The following PLD4 variants were observed in gnomAD, a reference collection of about 807,000 sequenced individuals.
PLD4 encodes phospholipase D family member 4.
Under a neutral mutation model 52.3 loss-of-function variants are expected in PLD4, and 54 were observed. The ratio of observed to expected loss-of-function variants is 1.03; its 90% CI spans 0.83 to 1.30. The LOEUF (loss-of-function observed/expected upper bound fraction) is 1.30, where lower values mean the gene tolerates loss of function less well. Ranked by LOEUF, PLD4 falls within the 50% of genes most tolerant of loss-of-function variation. The pLI, the probability that PLD4 is intolerant of heterozygous loss-of-function variation, is 0.00. For missense variants in PLD4, 731 were observed against 671.1 expected (o/e 1.09, Z -0.99); for synonymous variants, 264 against 286.5 (o/e 0.92, Z 0.79).
rs1040777710 is a variant in PLD4, at chr14:104,933,072, C to A, written c.*108C>A. The A allele has an allele frequency of 2.1e-4, 270 of 1,267,978 alleles. No homozygotes were observed. The African/African-American group carries it at 3.6e-3, about 17-fold the overall frequency. The allele number at this position is 1,267,978 out of a possible 1,614,324, so 78.5% of individuals were successfully genotyped here. A position where few individuals can be genotyped will look rare whatever the true frequency, so the allele number is the denominator to read the frequency against. ...CCGCAAGCAGCCCGGGTCCGCACTG[C>A]GCCAGGAGCCGCCTGCGACCGCCCG... On this transcript the variant is annotated 3_prime_UTR_variant, in exon 11 of 11. Coordinates refer to ENST00000392593, the MANE Select transcript of PLD4 (RefSeq NM_138790.5).
In PLD4 at chr14:104,927,843, C is replaced by T; in HGVS notation, c.261C>T (p.Ala87=). 1 of 1,583,068 alleles carries T rather than the reference C, an allele frequency of 6.3e-7. No homozygotes were observed. Among genetic ancestry groups the T allele is most frequent in the Non-Finnish European group, 8.6e-7 (1 of 1,168,508 alleles). Residue 87 remains alanine, a synonymous_variant, in exon 3 of 11, where the codon GCC becomes GCT. Coordinates refer to ENST00000392593, the MANE Select transcript of PLD4 (RefSeq NM_138790.5). The stretch of plus-strand genomic sequence containing the variant: ...CTTGGGAGCCCCTGGAAGCAGAGGC[C>T]AGGCAGCAGAGGGACTCCTGCCAGT... ...SPAWEPLEAE[A]RQQRDSCQLV...
Position 104,924,951 on chromosome 14 carries a change from G to C in PLD4, c.-40G>C, listed in dbSNP as rs773146896. ...CGTGAGCTGAGGGCCTGCAGTCTGC[G>C]GCTGGAATCAGGATAGACACCAAGG... On this transcript the variant is annotated 5_prime_UTR_variant, in exon 1 of 11. Transcript: ENST00000392593. The surrounding 1 kb of genome is among the most constrained non-coding windows in gnomAD (Gnocchi z 4.4). The C allele has an allele frequency of 6.5e-6, 1 of 152,810 alleles. No individual in the cohort carries two copies. The highest frequency in any genetic ancestry group is 1.5e-5 in the Non-Finnish European group (1 of 68,548). 9.5% of individuals were successfully genotyped at this position (152,810 alleles called of 1,614,324 possible). A position where few individuals can be genotyped will look rare whatever the true frequency, so the allele number is the denominator to read the frequency against.
chr14:104,933,022 C>T lies in PLD4; in HGVS notation c.*58C>T, dbSNP rs1897713012. ...CCGCACGCGCCCTCCCCTCTGACCC[C>T]GGCCTGGGCTTCAGCCGCTTCCTCC... On this transcript the variant is annotated 3_prime_UTR_variant, in exon 11 of 11. Coordinates refer to ENST00000392593, the MANE Select transcript of PLD4 (RefSeq NM_138790.5). 2 of 1,474,662 alleles carry T rather than the reference C, an allele frequency of 1.4e-6. No homozygotes were observed. The highest frequency in any genetic ancestry group is 2.6e-5 in the South Asian group (2 of 76,090). The allele number at this position is 1,474,662 out of a possible 1,614,324, so 91.3% of individuals were successfully genotyped here.
In PLD4 at chr14:104,932,703, A is replaced by T. The variant is rs1439892785; in HGVS notation, c.1322-62A>T. On this transcript the variant is annotated intron_variant, in intron 10 of 10. Transcript: ENST00000392593. The surrounding 1 kb of genome is among the most constrained non-coding windows in gnomAD (Gnocchi z 6.5). ...AAACCCGTAGCCGGGCCTGGCGCTG[A>T]GCGGGCTGCAGAGGGGCCTGTGGGA... 1 of 1,432,158 alleles carries T rather than the reference A, an allele frequency of 7.0e-7. No individual in the cohort carries two copies. Among genetic ancestry groups the T allele is most frequent in the African/African-American group, 1.4e-5 (1 of 69,564 alleles). The allele number at this position is 1,432,158 out of a possible 1,614,324, so 88.7% of individuals were successfully genotyped here. A position where few individuals can be genotyped will look rare whatever the true frequency, so the allele number is the denominator to read the frequency against.
At chr14:104,929,149 T>A in intron 4 of PLD4, 158 bp from the exon 5 acceptor site, 1 of 1,275,046 alleles carries the variant, frequency 7.8e-7, no homozygotes, top group Non-Finnish European at 1.1e-6. Context: ...CTGTGCCTGG[T>A]GCAGTTTGGC....
At position 104,930,954 on chromosome 14, in the gene PLD4, T is replaced by C; in HGVS notation, c.918+12T>C. On this transcript the variant is annotated intron_variant, in intron 7 of 10. Transcript: ENST00000392593. The stretch of plus-strand genomic sequence containing the variant: ...CTGCCTACTTCTCAGTAAGACGGGT[T>C]GAGAAGGAGCCCATCAGAGGCCCCT... The C allele has an allele frequency of 6.2e-7, 1 of 1,611,866 alleles. No individual in the cohort carries two copies. Among genetic ancestry groups the C allele is most frequent in the East Asian group, 2.2e-5 (1 of 44,884 alleles).
downstream of PLD4, chr14:104,936,507 A>C (rs1897812942): frequency 6.6e-6 from 1 of 152,458 alleles, no homozygotes; most frequent in African/African-American, 2.4e-5. Context: ...GAAAGAACCC[A>C]GCCTCTCCCC....
intron 2 of PLD4, 40 bp from the exon 3 acceptor site, chr14:104,927,633 C>T: frequency 6.6e-7 from 1 of 1,507,880 alleles, no homozygotes; most frequent in Non-Finnish European, 8.9e-7. Context: ...AAGTCAAGCC[C>T]CGCCCTGTCT....
rs377513739 is a variant in PLD4 at position 104,930,886 on chromosome 14, C to A, written c.862C>A (p.Arg288Ser). The A allele has an allele frequency of 1.9e-6, 3 of 1,613,450 alleles. No homozygotes were observed. The highest frequency in any genetic ancestry group is 1.7e-5 in the Admixed American group (1 of 60,016). The change falls in exon 7 of 11, where the codon CGT becomes AGT. Residue 288 changes from arginine (R) to serine (S), a missense_variant. Coordinates refer to ENST00000392593, the MANE Select transcript of PLD4 (RefSeq NM_138790.5). ...WPQNFSSHFN[R>S]FQPFHGLFDG... Reference sequence around the variant, plus strand: ...TCAGAACTTCTCATCTCACTTCAACCGTTTCCAGCCCTTCCACGGCCTCTT... The same window carrying A: ...TCAGAACTTCTCATCTCACTTCAACAGTTTCCAGCCCTTCCACGGCCTCTT...
chr14:104,929,314 C>A lies in PLD4; in HGVS notation c.476C>A (p.Ala159Asp). ...VNDSSSQLGE[A>D]LLQKLQQLLG... ...GCTGGCCTGGCCTTGCAGGGAGAGG[C>A]TCTTCTGCAGAAGCTGCAGCAGCTG... The change falls in exon 5 of 11, where the codon GCT becomes GAT. Residue 159 changes from alanine to aspartate, a missense_variant. Coordinates refer to ENST00000392593, the MANE Select transcript of PLD4 (RefSeq NM_138790.5). 6.3e-7 allele frequency: 1 copy of A among 1,582,696 alleles called. No homozygotes were observed. Among genetic ancestry groups the A allele is most frequent in the Non-Finnish European group, 8.6e-7 (1 of 1,164,904 alleles).
chr14:104,932,873 T>G lies in PLD4; in HGVS notation c.1430T>G (p.Leu477Arg). Reference protein sequence around the residue: ...QPAGATVQEQLRQLFERDWSS... With the variant: ...QPAGATVQEQRRQLFERDWSS... Reference sequence around the variant, plus strand: ...GCGGGGGCCACGGTGCAGGAGCAGCTGCGGCAGCTCTTTGAGCGGGACTGG... The same window carrying G: ...GCGGGGGCCACGGTGCAGGAGCAGCGGCGGCAGCTCTTTGAGCGGGACTGG... The change falls in exon 11 of 11, where the codon CTG becomes CGG. Residue 477 changes from leucine (L) to arginine (R), a missense_variant. Coordinates refer to ENST00000392593, the MANE Select transcript of PLD4 (RefSeq NM_138790.5). The surrounding 1 kb of genome is among the most constrained non-coding windows in gnomAD (Gnocchi z 6.5). 6.2e-7 allele frequency: 1 copy of G among 1,604,570 alleles called. No individual in the cohort carries two copies. The highest frequency in any genetic ancestry group is 8.5e-7 in the Non-Finnish European group (1 of 1,176,450).
At chr14:104,929,512 G>T in intron 5 of PLD4, 85 bp downstream of exon 5, 1 of 1,466,560 alleles carries the variant, frequency 6.8e-7, no homozygotes, top group Non-Finnish European at 9.0e-7. Flanking sequence ...AGGAAAAGAA[G>T]TGAGGGTGGG....
intron 1 of PLD4, 131 bp from the exon 2 acceptor site, chr14:104,927,010 T>G: frequency 2.7e-6 from 2 of 747,596 alleles, no homozygotes; most frequent in African/African-American, 1.8e-5. Flanking sequence ...ACCTCGGGCA[T>G]GAGTGGGGGG....
chr14:104,930,133 G>A (rs1272927820), intron 6 of PLD4, 28 bp downstream of exon 6: 1 of 1,611,432 alleles, frequency 6.2e-7, no homozygotes, highest in Non-Finnish European at 8.5e-7. Context: ...AACACAGGAG[G>A]CCTGCCTGAA....
Position 104,928,999 on chromosome 14 carries a change from T to C in PLD4, c.468+67T>C, listed in dbSNP as rs1264029042. ...CACAGCAAGTCAGGCTGCCTATCTA[T>C]GCAGGCGTCTCGGGCACCAGGCCCG... On this transcript the variant is annotated intron_variant, in intron 4 of 10. Coordinates refer to ENST00000392593, the MANE Select transcript of PLD4 (RefSeq NM_138790.5). 7 of 1,523,278 alleles carry C rather than the reference T, an allele frequency of 4.6e-6. No individual in the cohort carries two copies. In the East Asian group the frequency reaches 1.4e-4, roughly 30 times the overall value. 94.4% of individuals were successfully genotyped at this position (1,523,278 alleles called of 1,614,324 possible).
At position 104,929,329 on chromosome 14, in the gene PLD4, T is replaced by G. The variant is rs776334129; in HGVS notation, c.491T>G (p.Leu164Arg). Residue 164 changes from leucine to arginine, a missense_variant, in exon 5 of 11, where the codon CTG becomes CGG. Transcript: ENST00000392593. ...SQLGEALLQK[L>R]QQLLGRNISL... is the part of the protein sequence containing the mutation. ...CAGGGAGAGGCTCTTCTGCAGAAGC[T>G]GCAGCAGCTGCTGGGCAGGAACATT... 2 of 1,578,560 alleles carry G rather than the reference T, an allele frequency of 1.3e-6. No individual in the cohort carries two copies. Among genetic ancestry groups the G allele is most frequent in the South Asian group, 2.3e-5 (2 of 86,132 alleles).
chr14:104,926,944 C>G (rs938737287), intron 1 of PLD4, among the ~76,000 whole-genome samples, 197 bp from the exon 2 acceptor site: 1 of 152,202 alleles, frequency 6.6e-6, no homozygotes, highest in South Asian at 2.1e-4. Context: ...GCTGCGGGCT[C>G]CAACACCCAC....
In PLD4 at chr14:104,928,808, C is replaced by T. The variant is rs966807617; in HGVS notation, c.344C>T (p.Ala115Val). The T allele has an allele frequency of 1.2e-6, 2 of 1,610,988 alleles. No homozygotes were observed. Among genetic ancestry groups the T allele is most frequent in the Admixed American group, 3.3e-5 (2 of 59,956 alleles). The change falls in exon 4 of 11, where the codon GCC becomes GTC. Residue 115 changes from alanine (A) to valine (V), a missense_variant. Physicochemically the swap from Ala to Val is moderately conservative, Grantham distance 64. Transcript: ENST00000392593. ...DLPSAAGSPS[A>V]QPLGQAWLQL... ...CCATCTGCAGCCGGCAGCCCCTCTGCCCAGCCTCTGGGCCAGGCCTGGCTG... is the reference window on the plus strand; with the variant it reads ...CCATCTGCAGCCGGCAGCCCCTCTGTCCAGCCTCTGGGCCAGGCCTGGCTG...
Position 104,931,776 on chromosome 14 carries a change from G to T in PLD4, c.947G>T (p.Gly316Val), listed in dbSNP as rs954534557. The T allele has an allele frequency of 1.9e-6, 3 of 1,589,550 alleles. No homozygotes were observed. The highest frequency in any genetic ancestry group is 3.5e-5 in the Admixed American group (2 of 56,974). ...SASPPALCPQ[G>V]RTRDLEALLA... is the part of the protein sequence containing the mutation. ...TCGCCACCAGCACTCTGTCCCCAGGGCCGCACCCGGGACCTGGAGGCGCTG... is the reference window on the plus strand; with the variant it reads ...TCGCCACCAGCACTCTGTCCCCAGGTCCGCACCCGGGACCTGGAGGCGCTG... The change falls in exon 8 of 11, where the codon GGC becomes GTC. Residue 316 changes from glycine (G) to valine (V), a missense_variant. Transcript: ENST00000392593.
Sources: gnomAD v4.1 joint callset for allele counts (sites outside exome capture counted in the v4.1 genomes callset) on GRCh38, gnomAD v4.1.1 for gene constraint, Gnocchi (gnomAD v3.1) non-coding constraint, MANE v1.5 for transcripts, NCBI Gene and HGNC (gene_info 2026-07-23, HGNC 2026-07-21) for gene names.